Variants in ZZEF1 observed in about 807,000 individuals in gnomAD.
ZZEF1 encodes the protein zinc finger ZZ-type and EF-hand domain containing 1, also known as zinc finger ZZ-type and EF-hand domain-containing protein 1.
A neutral mutation model predicts 342.8 loss-of-function variants in ZZEF1; 157 were observed. The observed-to-expected ratio is 0.46, with a 90% CI of 0.40 to 0.52. The LOEUF is 0.52. Ranked by LOEUF, ZZEF1 falls within the 20% of genes least tolerant of loss-of-function variation. The pLI, the probability that ZZEF1 is intolerant of heterozygous loss-of-function variation, is 0.00. For synonymous variants in ZZEF1, 1,505 were observed against 1,429.1 expected (o/e 1.05, Z -1.20); for missense variants, 3,480 against 3,725.6 (o/e 0.93, Z 1.72).
At chr17:4,137,471 G>A (rs529357002) in intron 1 of ZZEF1, among the ~76,000 whole-genome samples, 1 of 152,264 alleles carries the variant, frequency 6.6e-6, no homozygotes, top group South Asian at 2.1e-4. Flanking sequence ...AATTAGCCGG[G>A]CGTGGTGGCA....
intron 1 of ZZEF1, among the ~76,000 whole-genome samples, chr17:4,129,293 G>A (rs1249899380): frequency 6.6e-6 from 1 of 152,134 alleles, no homozygotes; most frequent in Non-Finnish European, 1.5e-5. Context: ...GTATAAATTA[G>A]TTCGATCACT....
rs777323183 is a variant in ZZEF1 at position 4,017,547 on chromosome 17, G to A, written c.7825C>T (p.Arg2609Ter). ...AGGACAGCTGTGGCCTCGTTCACTCGGAAGAGGTAGTCCCGGACAGCCCTC... is the reference window on the plus strand; with the variant it reads ...AGGACAGCTGTGGCCTCGTTCACTCAGAAGAGGTAGTCCCGGACAGCCCTC... ...SKRAVRDYLFRVNEATAVLYA... is the reference protein window; with the variant it reads ...SKRAVRDYLF The change falls in exon 48 of 55, where the codon CGA (arginine) becomes TGA (stop). Residue 2609 changes from arginine (R) to a stop codon, truncating the protein, a stop_gained. Transcript: ENST00000381638. LOFTEE classifies it high-confidence loss of function. This position sits in a 1 kb window ranked among gnomAD's most constrained non-coding sequence, Gnocchi z 5.1. 2.5e-6 allele frequency: 4 copies of A among 1,614,136 alleles called. No individual in the cohort carries two copies. Among genetic ancestry groups the A allele is most frequent in the Non-Finnish European group, 3.4e-6 (4 of 1,180,050 alleles).
intron 52 of ZZEF1, among the ~76,000 whole-genome samples, chr17:4,010,739 AAAG>A (rs1440445618): frequency 2.1e-4 from 32 of 150,556 alleles, no homozygotes; most frequent in African/African-American, 7.4e-4. Context: ...AAAAAAAGAA[AAAG>A]AAAAAAGAAA....
chr17:4,083,971 G>A (rs1281948174), intron 16 of ZZEF1, among the ~76,000 whole-genome samples: 2 of 152,092 alleles, frequency 1.3e-5, no homozygotes, highest in Non-Finnish European at 2.9e-5. Context: ...ACAATAAAAA[G>A]TAATCTATAA....
chr17:4,119,799 C>A (rs980194927), intron 2 of ZZEF1, among the ~76,000 whole-genome samples: 2 of 152,186 alleles, frequency 1.3e-5, no homozygotes, highest in African/African-American at 4.8e-5. Flanking sequence ...GGAGCACCAA[C>A]CAACTTCATT....
chr17:4,085,268 C>T (rs545741862), intron 16 of ZZEF1, among the ~76,000 whole-genome samples: 5 of 152,036 alleles, frequency 3.3e-5, no homozygotes, highest in Admixed American at 6.5e-5. Context: ...ACAAGATTAG[C>T]GTGAATTTAT....
In ZZEF1 at chr17:4,102,285, GCACACTAGAAACAGACAGACCCAC is replaced by G; in HGVS notation, c.1672+8_1672+31del. ...CACACAGCTGACTCCTGTCTACCGA[GCACACTAGAAACAGACAGACCCAC>G]CACTCACCATCCCTTGTCCACGGTT... is the stretch of plus-strand genomic sequence containing the variant. On this transcript the variant is annotated splice_region_variant and intron_variant, in intron 9 of 54. Transcript: ENST00000381638. 1 of 1,588,898 alleles carries G rather than the reference GCACACTAGAAACAGACAGACCCAC, an allele frequency of 6.3e-7. No homozygotes were observed. The highest frequency in any genetic ancestry group is 1.1e-5 in the South Asian group (1 of 90,474).
intron 18 of ZZEF1, among the ~76,000 whole-genome samples, chr17:4,079,949 G>T (rs2057691191): frequency 6.6e-6 from 1 of 152,214 alleles, no homozygotes; most frequent in Non-Finnish European, 1.5e-5. Flanking sequence ...ATACCTCAAA[G>T]ATGTGGTTTG....
intron 38 of ZZEF1, among the ~76,000 whole-genome samples, chr17:4,043,071 G>T (rs767906833): frequency 6.6e-6 from 1 of 152,158 alleles, no homozygotes; most frequent in Non-Finnish European, 1.5e-5. Context: ...CTGTTTAAAT[G>T]AAAGACTGTC....
chr17:4,034,856 G>C lies in ZZEF1; in HGVS notation c.6307-564C>G, dbSNP rs140142665. Reference sequence around the variant, plus strand: ...TACAAAAAATACAAAAAATTAGCCAGGCATAGTGGTACGTGCCTGTAGTCC... The same window carrying C: ...TACAAAAAATACAAAAAATTAGCCACGCATAGTGGTACGTGCCTGTAGTCC... On this transcript the variant is annotated intron_variant, in intron 39 of 54. Transcript: ENST00000381638. Among the ~76,000 whole-genome samples, 1,203 of 152,210 alleles carry C rather than the reference G, an allele frequency of 7.9e-3. 14 individuals are homozygous for C. The highest frequency in any genetic ancestry group is 0.028 in the African/African-American group (1,150 of 41,530).
At chr17:4,057,487 G>C (rs1425729150) in intron 32 of ZZEF1, among the ~76,000 whole-genome samples, 1 of 152,172 alleles carries the variant, frequency 6.6e-6, no homozygotes, top group Non-Finnish European at 1.5e-5. Flanking sequence ...AGAGTGGAGA[G>C]ATACGGGCCA....
At chr17:4,125,381 A>G (rs2058557616) in intron 1 of ZZEF1, among the ~76,000 whole-genome samples, 1 of 152,186 alleles carries the variant, frequency 6.6e-6, no homozygotes, top group South Asian at 2.1e-4. Flanking sequence ...TTTCATGACT[A>G]ACATAAATAC....
intron 36 of ZZEF1, 46 bp downstream of exon 36, chr17:4,050,735 C>T (rs761432011): frequency 1.9e-6 from 3 of 1,606,944 alleles, no homozygotes; most frequent in Non-Finnish European, 2.5e-6. Context: ...CTTTTTTTCA[C>T]CAGCAACTGA....
chr17:4,031,004 C>A (rs1412409244), intron 42 of ZZEF1, among the ~76,000 whole-genome samples: 3 of 151,386 alleles, frequency 2.0e-5, no homozygotes, highest in Non-Finnish European at 4.4e-5. Flanking sequence ...CATGGTGAAA[C>A]CCCATCTCTA....
Position 4,072,730 on chromosome 17 carries a change from G to A in ZZEF1, c.3712C>T (p.Gln1238Ter). 6.2e-7 allele frequency: 1 copy of A among 1,613,496 alleles called. No individual in the cohort carries two copies. Among genetic ancestry groups the A allele is most frequent in the Non-Finnish European group, 8.5e-7 (1 of 1,179,650 alleles). The part of the protein sequence containing the change: ...RQLGSNMVVP[Q>*]AKMALVLSSP... ...CTTAGGACTAATGCCATTTTTGCCT[G>A]AGGTACTACCATGTTACTTCCTAAC... The change falls in exon 25 of 55, where the codon CAG becomes TAG. Residue 1238 changes from glutamine to a stop codon, truncating the protein, a stop_gained. Coordinates refer to ENST00000381638, the MANE Select transcript of ZZEF1 (RefSeq NM_015113.4). LOFTEE classifies it high-confidence loss of function.
chr17:4,022,605 A>T lies in ZZEF1; in HGVS notation c.7212+104T>A, dbSNP rs564336029. 3.3e-6 allele frequency: 5 copies of T among 1,535,844 alleles called. No homozygotes were observed. The South Asian group carries it at 5.6e-5, about 17-fold the overall frequency. On this transcript the variant is annotated intron_variant, in intron 44 of 54. Transcript: ENST00000381638. The stretch of plus-strand genomic sequence containing the variant: ...GGAGTTTTCAACACTGTACTAAAGG[A>T]GTGTGCACAGGGCAGAAGCAGCTGG...
chr17:4,022,274 T>G (rs2056291282), intron 44 of ZZEF1: 1 of 158,250 alleles, frequency 6.3e-6, no homozygotes, highest in Non-Finnish European at 1.4e-5. Flanking sequence ...GGAACCACAG[T>G]AGTTCCGCTA....
In ZZEF1 at chr17:4,018,266, T is replaced by TA. The variant is rs772803725; in HGVS notation, c.7506-296dup. Among the ~76,000 whole-genome samples, 39 of 152,218 alleles carry TA rather than the reference T, an allele frequency of 2.6e-4. 1 individual carries two copies. The East Asian group carries it at 5.0e-3, about 20-fold the overall frequency. On this transcript the variant is annotated intron_variant, in intron 46 of 54. Coordinates refer to ENST00000381638, the MANE Select transcript of ZZEF1 (RefSeq NM_015113.4). ...TTTATTTTCATTAAAAAAACATTTT[T>TA]AAAAAAAATTTATTTGTTTTTTTTA...
rs772176913 is a variant in ZZEF1, at chr17:4,049,741, A to G, written c.5982T>C (p.Ala1994=). 1.2e-6 allele frequency: 2 copies of G among 1,614,138 alleles called. No individual in the cohort carries two copies. The highest frequency in any genetic ancestry group is 1.7e-6 in the Non-Finnish European group (2 of 1,180,040). ...GASEEQLEKK[A]VQGAELSEAG... ...CTTCTGACAGCTCAGCACCCTGGAC[A>G]GCTTTCTTCTCTAGCTGCTCCTCTG... The change falls in exon 37 of 55, where the codon GCT becomes GCC. Residue 1994 remains alanine (A), a synonymous_variant. Transcript: ENST00000381638.
Sources: allele counts gnomAD v4.1 joint callset (sites outside exome capture counted in the v4.1 genomes callset), GRCh38; gene constraint gnomAD v4.1.1; non-coding constraint Gnocchi (gnomAD v3.1); transcripts MANE v1.5; gene names NCBI Gene and HGNC (gene_info 2026-07-23, HGNC 2026-07-21).